Variants in AGPS observed in about 807,000 individuals in gnomAD.
The protein encoded by AGPS is alkyldihydroxyacetonephosphate synthase, peroxisomal.
Under a neutral mutation model 90.7 loss-of-function variants are expected in AGPS, and 26 were observed. The ratio of observed to expected loss-of-function variants is 0.29; its 90% CI spans 0.21 to 0.40. AGPS has a LOEUF of 0.40. Among genes scored for constraint, AGPS ranks in the 10% least tolerant of loss-of-function variants. AGPS has a pLI of 1.00. For synonymous variants in AGPS, 294 were observed against 285.3 expected, an observed-to-expected ratio of 1.03 and a Z score of -0.31; for missense variants, 540 against 816.1, an observed-to-expected ratio of 0.66 and a Z score of 4.12.
intron 17 of AGPS, among the ~76,000 whole-genome samples, chr2:177,518,728 T>C (rs1238990835): frequency 7.0e-6 from 1 of 143,792 alleles, no homozygotes; most frequent in Non-Finnish European, 1.5e-5. Flanking sequence ...TAGGGACTCA[T>C]AGACATTTTA....
At chr2:177,447,165 A>G (rs955960808) in intron 8 of AGPS, among the ~76,000 whole-genome samples, 1 of 152,126 alleles carries the variant, frequency 6.6e-6, no homozygotes, top group African/African-American at 2.4e-5. Flanking sequence ...TGTGATTGTT[A>G]TCTTATTTTG....
intron 9 of AGPS, among the ~76,000 whole-genome samples, chr2:177,466,614 T>G (rs76282809): frequency 0.025 from 3,842 of 152,320 alleles, 84 homozygotes; most frequent in African/African-American, 0.055. Flanking sequence ...CCTTCTGTGC[T>G]CATTGGTGCC....
At chr2:177,402,348 A>G (rs1395381623) in intron 1 of AGPS, among the ~76,000 whole-genome samples, 1 of 152,248 alleles carries the variant, frequency 6.6e-6, no homozygotes, top group Non-Finnish European at 1.5e-5. Context: ...AGACTGGTGC[A>G]GCTGGACTCA....
intron 2 of AGPS, among the ~76,000 whole-genome samples, chr2:177,421,470 T>C (rs1685939013): frequency 6.6e-6 from 1 of 152,128 alleles, no homozygotes; most frequent in Non-Finnish European, 1.5e-5. Flanking sequence ...CATTAATATT[T>C]TGTACCTAAA....
chr2:177,404,109 C>T (rs1253819653), intron 1 of AGPS, among the ~76,000 whole-genome samples: 4 of 152,088 alleles, frequency 2.6e-5, no homozygotes, highest in Admixed American at 6.5e-5. Flanking sequence ...CTTTGGAGAA[C>T]GACTACATCA....
intron 10 of AGPS, among the ~76,000 whole-genome samples, chr2:177,481,623 T>C (rs1161518523): frequency 6.6e-6 from 1 of 151,992 alleles, no homozygotes; most frequent in African/African-American, 2.4e-5. Flanking sequence ...TCTTAGATTC[T>C]CATTGAAGGT....
chr2:177,511,956 A>G (rs1374438), intron 16 of AGPS, among the ~76,000 whole-genome samples: 115,643 of 147,088 alleles, frequency 0.79, 44,218 homozygotes, highest in Admixed American at 0.82. Context: ...ATTTAAGTGC[A>G]TTTAAACTGA....
intron 8 of AGPS, among the ~76,000 whole-genome samples, chr2:177,455,778 GT>G (rs34738213): frequency 0.59 from 86,145 of 146,740 alleles, 28,648 homozygotes; most frequent in Non-Finnish European, 0.72. Context: ...TATTTCTCCT[GT>G]TTTTTTTTTT....
chr2:177,508,627 T>G (rs1236080205), intron 16 of AGPS, among the ~76,000 whole-genome samples: 2 of 152,164 alleles, frequency 1.3e-5, no homozygotes, highest in African/African-American at 4.8e-5. Flanking sequence ...ACATACAGTA[T>G]TGGTTAGTGA....
intron 9 of AGPS, 141 bp from the exon 10 acceptor site, chr2:177,468,275 G>T: frequency 1.9e-6 from 1 of 522,254 alleles, no homozygotes; most frequent in Middle Eastern, 5.3e-4. Flanking sequence ...AAAGATACTA[G>T]AATTCTTAAA....
intron 9 of AGPS, among the ~76,000 whole-genome samples, chr2:177,464,543 A>G (rs1346618377): frequency 9.9e-5 from 15 of 152,276 alleles, no homozygotes; most frequent in Admixed American, 9.2e-4. Context: ...ACATCTGAAG[A>G]GTCAGAAGTC....
chr2:177,509,402 C>G (rs929015514), intron 16 of AGPS, among the ~76,000 whole-genome samples: 3 of 152,160 alleles, frequency 2.0e-5, no homozygotes, highest in African/African-American at 7.2e-5. Flanking sequence ...CGCGGTGGCT[C>G]ACGCCTATAA....
chr2:177,507,047 C>T (rs868209790), intron 15 of AGPS, among the ~76,000 whole-genome samples: 3 of 151,826 alleles, frequency 2.0e-5, no homozygotes, highest in African/African-American at 4.8e-5. Flanking sequence ...CCCCCTACCC[C>T]GGGATTACAT....
In AGPS at chr2:177,422,927, A is replaced by G. The variant is rs1424135829; in HGVS notation, c.350+2569A>G. Among the ~76,000 whole-genome samples, 2 of 77,104 alleles carry G rather than the reference A, an allele frequency of 2.6e-5. 1 individual carries two copies. Among genetic ancestry groups the G allele is most frequent in the African/African-American group, 7.2e-5 (2 of 27,662 alleles). The allele number at this position is 77,104 out of a possible 152,430, so 50.6% of individuals were successfully genotyped here. ...TGAGTATCTACTGAGTTACCTTACA[A>G]TAACCCTATCAGATGGATAGAGTTA... On this transcript the variant is annotated intron_variant, in intron 2 of 19. Transcript: ENST00000264167.
At chr2:177,453,333 C>CAG (rs1687008462) in intron 8 of AGPS, among the ~76,000 whole-genome samples, 1 of 150,204 alleles carries the variant, frequency 6.7e-6, no homozygotes, top group Non-Finnish European at 1.5e-5. Context: ...GTGCAGTGGC[C>CAG]TGATATCGGC....
chr2:177,530,618 T>A (rs2079129741), intron 19 of AGPS, among the ~76,000 whole-genome samples: 1 of 152,166 alleles, frequency 6.6e-6, no homozygotes, highest in Non-Finnish European at 1.5e-5. Context: ...GTTGGGAGAA[T>A]ATTGATGCAA....
Position 177,434,322 on chromosome 2 carries a change from C to T in AGPS, c.351-5C>T. 6.3e-7 allele frequency: 1 copy of T among 1,598,888 alleles called. No homozygotes were observed. ...TCTAATATTTTTACTTTCTTTGTACCTTAGGTACCCTCTTAGTGGCATGGG... is the reference window on the plus strand; with the variant it reads ...TCTAATATTTTTACTTTCTTTGTACTTTAGGTACCCTCTTAGTGGCATGGG... On this transcript the variant is annotated splice_polypyrimidine_tract_variant and splice_region_variant and intron_variant, in intron 2 of 19. Transcript: ENST00000264167.
At chr2:177,518,726 C>CAT (rs1273246064) in intron 17 of AGPS, among the ~76,000 whole-genome samples, 1 of 140,324 alleles carries the variant, frequency 7.1e-6, no homozygotes, top group African/African-American at 2.6e-5. Flanking sequence ...AGTAGGGACT[C>CAT]ATAGACATTT....
At chr2:177,500,208 G>A (rs1574013272) in intron 14 of AGPS, among the ~76,000 whole-genome samples, 1 of 151,948 alleles carries the variant, frequency 6.6e-6, no homozygotes, top group East Asian at 1.9e-4. Context: ...TTTTGTGCTG[G>A]TATAAAGAAA....
Sources: gnomAD v4.1 joint callset for allele counts (sites outside exome capture counted in the v4.1 genomes callset) on GRCh38, gnomAD v4.1.1 for gene constraint, MANE v1.5 for transcripts, NCBI Gene and HGNC (gene_info 2026-07-23, HGNC 2026-07-21) for gene names.